Variants in USP34 observed in about 807,000 individuals in gnomAD.
The protein encoded by USP34 is ubiquitin specific peptidase 34.
In USP34, 70 loss-of-function variants were observed where a neutral mutation model predicts 460.3. That is an observed-to-expected ratio of 0.15 (90% CI 0.13 to 0.19). The LOEUF (loss-of-function observed/expected upper bound fraction) is 0.19, where lower values mean the gene tolerates loss of function less well. USP34 is among the 10% of genes least tolerant of loss of function. USP34 has a pLI of 1.00. For synonymous variants in USP34, 1,647 were observed against 1,405.3 expected (o/e 1.17, Z -3.85); for missense variants, 3,985 against 4,236.2 (o/e 0.94, Z 1.65).
intron 10 of USP34, among the ~76,000 whole-genome samples, chr2:61,360,451 C>T (rs1692240403): frequency 6.6e-6 from 1 of 151,968 alleles, no homozygotes; most frequent in African/African-American, 2.4e-5. Context: ...ACCACAGCAA[C>T]AAAAGTATTT....
At chr2:61,201,031 T>C (rs1686961071) in intron 75 of USP34, among the ~76,000 whole-genome samples, 1 of 152,080 alleles carries the variant, frequency 6.6e-6, no homozygotes, top group African/African-American at 2.4e-5. Flanking sequence ...GTGGAGGTTT[T>C]GATTTATATT....
chr2:61,296,256 T>C (rs1238379763), intron 30 of USP34, among the ~76,000 whole-genome samples: 1 of 128,414 alleles, frequency 7.8e-6, no homozygotes, highest in Admixed American at 8.8e-5. Flanking sequence ...TTATACCTTA[T>C]CTCAAAAATA....
intron 75 of USP34, among the ~76,000 whole-genome samples, chr2:61,201,664 T>C (rs1489035945): frequency 2.6e-5 from 4 of 152,186 alleles, no homozygotes; most frequent in Admixed American, 6.5e-5. Flanking sequence ...CTTTCTTCCA[T>C]TTCTCCACCA....
chr2:61,227,292 A>G, intron 61 of USP34, 74 bp from the exon 62 acceptor site: 2 of 1,510,046 alleles, frequency 1.3e-6, no homozygotes, highest in African/African-American at 1.4e-5. Context: ...GACTTGTTTT[A>G]TGTAACAGTG....
chr2:61,298,535 C>A (rs1690110067), intron 29 of USP34, among the ~76,000 whole-genome samples: 1 of 17,182 alleles, frequency 5.8e-5, no homozygotes, highest in Non-Finnish European at 1.1e-4. Context: ...GAGACTCTGT[C>A]TCAAAAAAAA....
rs1689765431 is a variant in USP34, at chr2:61,288,780, C to G, written c.4646G>C (p.Trp1549Ser). 6.2e-7 allele frequency: 1 copy of G among 1,613,964 alleles called. No homozygotes were observed. The highest frequency in any genetic ancestry group is 1.3e-5 in the African/African-American group (1 of 75,036). ...CCTATGGCTTTCCGCTATACCAGAC[C>G]AGGCAAAGACATCATGATAAGCTAA... ...LDLAYHDVFA[W>S]SGIAESHRKR... The change falls in exon 34 of 80, where the codon TGG becomes TCG. Residue 1549 changes from tryptophan (W) to serine (S), a missense_variant. Coordinates refer to ENST00000398571, the MANE Select transcript of USP34 (RefSeq NM_014709.4).
At chr2:61,265,117 G>A in intron 43 of USP34, 1 of 252,934 alleles carries the variant, frequency 4.0e-6, no homozygotes, top group Non-Finnish European at 7.4e-6. Context: ...TTCTCCCAGT[G>A]AATGCGTTTT....
chr2:61,467,727 TCTC>T (rs956596761), intron 1 of USP34, among the ~76,000 whole-genome samples: 1 of 140,386 alleles, frequency 7.1e-6, no homozygotes, highest in African/African-American at 2.7e-5. Flanking sequence ...TTCAAGCAAT[TCTC>T]CTGCCTCAGC....
intron 1 of USP34, among the ~76,000 whole-genome samples, chr2:61,460,900 T>C (rs1456543539): frequency 6.6e-6 from 1 of 151,408 alleles, no homozygotes; most frequent in Admixed American, 6.6e-5. Flanking sequence ...GGACAATCAC[T>C]TGAACCTGGG....
intron 27 of USP34, among the ~76,000 whole-genome samples, chr2:61,310,280 T>C (rs943209635): frequency 1.3e-5 from 2 of 152,176 alleles, no homozygotes; most frequent in African/African-American, 2.4e-5. Context: ...TGAAATAATG[T>C]AGAGACAAAG....
At chr2:61,433,881 C>T (rs535025223) in intron 1 of USP34, among the ~76,000 whole-genome samples, 2 of 152,308 alleles carry the variant, frequency 1.3e-5, no homozygotes, top group East Asian at 3.9e-4. Flanking sequence ...AGCACTTCAG[C>T]TCCATCTTCA....
Position 61,246,398 on chromosome 2 carries a change from T to C in USP34, c.6474A>G (p.Gly2158=). The C allele has an allele frequency of 6.2e-7, 1 of 1,611,492 alleles. No individual in the cohort carries two copies. The highest frequency in any genetic ancestry group is 8.5e-7 in the Non-Finnish European group (1 of 1,178,468). The change falls in exon 50 of 80, where the codon GGA becomes GGG. Residue 2158 remains glycine (G), a synonymous_variant. Coordinates refer to ENST00000398571, the MANE Select transcript of USP34 (RefSeq NM_014709.4). The part of the protein sequence containing the change: ...YDLIGVTVHT[G]TADGGHYYSF... ...TATAATAGTGTCCACCATCTGCCGT[T>C]CCTGTGTGAACAGTCACTCCTATCA... is the stretch of plus-strand genomic sequence containing the variant.
At chr2:61,312,790 C>A (rs1690634729) in intron 25 of USP34, among the ~76,000 whole-genome samples, 1 of 152,120 alleles carries the variant, frequency 6.6e-6, no homozygotes, top group Non-Finnish European at 1.5e-5. Context: ...AGCATCTCAC[C>A]AGATACCAAT....
At chr2:61,256,087 G>C (rs549494665) in intron 48 of USP34, among the ~76,000 whole-genome samples, 1 of 152,268 alleles carries the variant, frequency 6.6e-6, no homozygotes, top group Non-Finnish European at 1.5e-5. Flanking sequence ...AGACATCTGA[G>C]ACTCGATACA....
intron 5 of USP34, 51 bp from the exon 6 acceptor site, chr2:61,383,387 A>T: frequency 7.4e-7 from 1 of 1,353,120 alleles, no homozygotes; most frequent in Non-Finnish European, 1.0e-6. Context: ...TGAAATACAT[A>T]TATCTTTCAC....
intron 23 of USP34, among the ~76,000 whole-genome samples, 199 bp downstream of exon 23, chr2:61,317,455 A>G (rs1277006646): frequency 6.6e-6 from 1 of 152,192 alleles, no homozygotes; most frequent in Non-Finnish European, 1.5e-5. Context: ...TGAATCTGGG[A>G]GGTGGAGGTT....
At chr2:61,226,932 A>C in intron 62 of USP34, 135 bp downstream of exon 62, 2 of 1,082,292 alleles carry the variant, frequency 1.8e-6, no homozygotes, top group Admixed American at 7.2e-5. Flanking sequence ...GATTTATATA[A>C]TAAAAGCTAG....
intron 18 of USP34, among the ~76,000 whole-genome samples, chr2:61,334,644 T>A (rs1328422859): frequency 6.6e-6 from 1 of 152,204 alleles, no homozygotes; most frequent in Non-Finnish European, 1.5e-5. Context: ...TGAATTTTCT[T>A]CAATAAACAT....
chr2:61,449,525 A>C (rs1441781263), intron 1 of USP34, among the ~76,000 whole-genome samples: 2 of 151,634 alleles, frequency 1.3e-5, no homozygotes, highest in African/African-American at 2.4e-5. Flanking sequence ...AAAAACAAAA[A>C]CAAAAAAAAA....
Sources: allele counts gnomAD v4.1 joint callset (sites outside exome capture counted in the v4.1 genomes callset), GRCh38; gene constraint gnomAD v4.1.1; transcripts MANE v1.5; gene names NCBI Gene and HGNC (gene_info 2026-07-23, HGNC 2026-07-21).